Variants in ABR observed in about 807,000 individuals in gnomAD.
The protein encoded by ABR is active breakpoint cluster region-related protein.
Under a neutral mutation model 107.2 loss-of-function variants are expected in ABR, and 35 were observed. The observed-to-expected ratio is 0.33, with a 90% CI of 0.25 to 0.43. The LOEUF (loss-of-function observed/expected upper bound fraction) is 0.43, where lower values mean the gene tolerates loss of function less well. ABR is among the 20% of genes least tolerant of loss of function. The pLI, the probability that ABR is intolerant of heterozygous loss-of-function variation, is 1.00. For missense variants in ABR, 815 were observed against 1,115.2 expected (o/e 0.73, Z 3.83); for synonymous variants, 498 against 462.0 (o/e 1.08, Z -1.00).
rs2069990539 is a variant in ABR, at chr17:1,005,937, G to A, written c.*143C>T. ...GTACAAGGTGGCACAAAAGACGTACGCATTCCAGTTCTTGGAAGCTGGCTT... is the reference window on the plus strand; with the variant it reads ...GTACAAGGTGGCACAAAAGACGTACACATTCCAGTTCTTGGAAGCTGGCTT... On this transcript the variant is annotated 3_prime_UTR_variant, in exon 23 of 23. Transcript: ENST00000302538. 3.4e-5 allele frequency: 26 copies of A among 768,384 alleles called. No homozygotes were observed. Among genetic ancestry groups the A allele is most frequent in the Non-Finnish European group, 5.2e-5 (24 of 460,844 alleles). 47.6% of individuals were successfully genotyped at this position (768,384 alleles called of 1,614,324 possible).
rs1442692545 is a variant in ABR at position 1,150,753 on chromosome 17, G to T, written c.62-25386C>A. On this transcript the variant is annotated intron_variant, in intron 1 of 22. Transcript: ENST00000302538. This position sits in a 1 kb window ranked among gnomAD's most constrained non-coding sequence, Gnocchi z 4.8. ...ACCCCACCCACTGGGAACCACGCGA[G>T]CAGGGAGGGACGAAGGGAGGAGCAT... Among the ~76,000 whole-genome samples, 2 of 152,184 alleles carry T rather than the reference G, an allele frequency of 1.3e-5. No individual in the cohort carries two copies. The highest frequency in any genetic ancestry group is 4.8e-5 in the African/African-American group (2 of 41,420).
At chr17:1,173,123 T>C (rs1216661293) in intron 1 of ABR, among the ~76,000 whole-genome samples, 18 of 72,432 alleles carry the variant, frequency 2.5e-4, no homozygotes, top group South Asian at 5.6e-4. Context: ...ATCACCTCAG[T>C]CCACCCCCCA....
At chr17:1,198,375 C>G (rs1197809124) in intron 1 of ABR, among the ~76,000 whole-genome samples, 1 of 151,598 alleles carries the variant, frequency 6.6e-6, no homozygotes, top group East Asian at 1.9e-4. Context: ...TCTGTCTGGA[C>G]AAGGAGAGCT....
chr17:1,059,946 C>T (rs1431469674), intron 10 of ABR, among the ~76,000 whole-genome samples: 2 of 152,180 alleles, frequency 1.3e-5, no homozygotes, highest in Non-Finnish European at 2.9e-5. Flanking sequence ...CAATTAAGCG[C>T]ACACTCACCC....
intron 1 of ABR, among the ~76,000 whole-genome samples, chr17:1,221,434 G>C (rs371387013): frequency 1.3e-5 from 2 of 152,224 alleles, no homozygotes; most frequent in South Asian, 2.1e-4. Flanking sequence ...TGAGGACAGA[G>C]AAGCAGAAAG....
intron 16 of ABR, among the ~76,000 whole-genome samples, chr17:1,034,666 A>G (rs1411106079): frequency 6.6e-6 from 1 of 152,136 alleles, no homozygotes; most frequent in Non-Finnish European, 1.5e-5. Flanking sequence ...CCCTCCAGCA[A>G]ACGTGCAATG....
chr17:1,011,785 C>G lies in ABR; in HGVS notation c.2101+61G>C. ...TCCTGGTTCCCCCGAGCTCTCCTGT[C>G]CATCCCACCAGCCTGCTCAGACACA... On this transcript the variant is annotated intron_variant, in intron 19 of 22. Coordinates refer to ENST00000302538, the MANE Select transcript of ABR (RefSeq NM_021962.5). This position sits in a 1 kb window ranked among gnomAD's most constrained non-coding sequence, Gnocchi z 4.8. 1 of 1,513,630 alleles carries G rather than the reference C, an allele frequency of 6.6e-7. No individual in the cohort carries two copies. Among genetic ancestry groups the G allele is most frequent in the Non-Finnish European group, 8.9e-7 (1 of 1,127,506 alleles). 93.8% of individuals were successfully genotyped at this position (1,513,630 alleles called of 1,614,324 possible). A position where few individuals can be genotyped will look rare whatever the true frequency, so the allele number is the denominator to read the frequency against.
chr17:1,042,772 G>C (rs2030862273), intron 16 of ABR, among the ~76,000 whole-genome samples: 1 of 150,254 alleles, frequency 6.7e-6, no homozygotes, highest in South Asian at 2.1e-4. Flanking sequence ...TGGATAAACA[G>C]ATGTGGCACC....
Position 1,087,661 on chromosome 17 carries a change from C to T in ABR, c.531+4004G>A, listed in dbSNP as rs183971860. On this transcript the variant is annotated intron_variant, in intron 4 of 22. Transcript: ENST00000302538. ...CTGAGGCCCGGCCCATCAATGCCCA[C>T]GCTACACGAGGCATACTAGACAGTC... Among the ~76,000 whole-genome samples the T allele has an allele frequency of 7.6e-3, 1,154 of 152,158 alleles. 21 individuals are homozygous for T. The highest frequency in any genetic ancestry group is 6.4e-3 in the Non-Finnish European group (432 of 68,006).
chr17:1,074,271 C>T lies in ABR; in HGVS notation c.701-594G>A, dbSNP rs894768045. On this transcript the variant is annotated intron_variant, in intron 6 of 22. Coordinates refer to ENST00000302538, the MANE Select transcript of ABR (RefSeq NM_021962.5). Reference sequence around the variant, plus strand: ...CGTAGAGTCCAGCACACCTGCCACACGCAGAACCCCAGAATCACACAGCTC... The same window carrying T: ...CGTAGAGTCCAGCACACCTGCCACATGCAGAACCCCAGAATCACACAGCTC... Among the ~76,000 whole-genome samples, 6 of 146,780 alleles carry T rather than the reference C, an allele frequency of 4.1e-5. No homozygotes were observed. The East Asian group carries it at 6.3e-4, about 16-fold the overall frequency.
chr17:1,065,862 C>T (rs1313973532), intron 10 of ABR, among the ~76,000 whole-genome samples: 1 of 151,416 alleles, frequency 6.6e-6, no homozygotes, highest in Non-Finnish European at 1.5e-5. Flanking sequence ...TCTCCTGTCT[C>T]AGCCTCCTGA....
At chr17:1,105,219 G>A (rs2038166740) in intron 2 of ABR, among the ~76,000 whole-genome samples, 1 of 151,868 alleles carries the variant, frequency 6.6e-6, no homozygotes, top group South Asian at 2.1e-4. Flanking sequence ...ATGTTGGCCA[G>A]GCTGGTCTTG....
At chr17:1,149,012 C>T (rs926984207) in intron 1 of ABR, among the ~76,000 whole-genome samples, 3 of 150,780 alleles carry the variant, frequency 2.0e-5, no homozygotes, top group Non-Finnish European at 3.0e-5. Flanking sequence ...CGCCATTCTC[C>T]TGCCTCAGCC....
rs367649309 is a variant in ABR, at chr17:1,020,207, C to T, written c.1792-7043G>A. Reference sequence around the variant, plus strand: ...GAGCGATTCTCCTGCCTCAGCCTCCCGAGTAGCTGGGGCTACAGGCACGAG... The same window carrying T: ...GAGCGATTCTCCTGCCTCAGCCTCCTGAGTAGCTGGGGCTACAGGCACGAG... On this transcript the variant is annotated intron_variant, in intron 16 of 22. Transcript: ENST00000302538. Among the ~76,000 whole-genome samples, 20 of 152,272 alleles carry T rather than the reference C, an allele frequency of 1.3e-4. 1 individual carries two copies. In the East Asian group the frequency reaches 1.9e-3, roughly 15 times the overall value.
intron 1 of ABR, among the ~76,000 whole-genome samples, chr17:1,168,401 C>T (rs1008272535): frequency 5.3e-5 from 8 of 152,212 alleles, no homozygotes; most frequent in African/African-American, 1.9e-4. Flanking sequence ...CGAATCAGGC[C>T]TGGAGGACTT....
chr17:1,102,929 C>T (rs1296749247), intron 2 of ABR, among the ~76,000 whole-genome samples: 1 of 152,126 alleles, frequency 6.6e-6, no homozygotes, highest in African/African-American at 2.4e-5. Flanking sequence ...AGGCTCGTCT[C>T]AAACTCCTGA....
intron 1 of ABR, chr17:1,126,568 G>A (rs7207452): frequency 0.43 from 65,576 of 152,346 alleles, 16,376 homozygotes; most frequent in East Asian, 0.56. Context: ...CCTACGCACT[G>A]GACTGCCCAG....
chr17:1,215,498 C>G (rs1016585175), intron 1 of ABR, among the ~76,000 whole-genome samples: 2 of 152,202 alleles, frequency 1.3e-5, no homozygotes, highest in Non-Finnish European at 2.9e-5. Context: ...GCCTCGGCCT[C>G]CCGAGGTGCC....
At chr17:1,197,174 C>G (rs1293174053) in intron 1 of ABR, among the ~76,000 whole-genome samples, 1 of 151,660 alleles carries the variant, frequency 6.6e-6, no homozygotes, top group Non-Finnish European at 1.5e-5. Flanking sequence ...GGCCCAGGCT[C>G]GGATGAGCAT....
Sources: gnomAD v4.1 joint callset for allele counts (sites outside exome capture counted in the v4.1 genomes callset) on GRCh38, gnomAD v4.1.1 for gene constraint, Gnocchi (gnomAD v3.1) non-coding constraint, MANE v1.5 for transcripts, NCBI Gene and HGNC (gene_info 2026-07-23, HGNC 2026-07-21) for gene names.